Variants in ZEB1 observed in about 807,000 individuals in gnomAD.
ZEB1 encodes the protein zinc finger E-box binding homeobox 1, also known as zinc finger E-box-binding homeobox 1.
ZEB1 carries 21 observed loss-of-function variants against 84.9 expected under a neutral mutation model. The observed-to-expected ratio is 0.25, with a 90% confidence interval of 0.18 to 0.36. ZEB1 has a LOEUF of 0.36. Ranked by LOEUF, ZEB1 falls within the 10% of genes least tolerant of loss-of-function variation. ZEB1 has a pLI of 1.00. For synonymous variants in ZEB1, 420 were observed against 471.1 expected, an observed-to-expected ratio of 0.89 and a Z score of 1.41; for missense variants, 1,104 against 1,330.2, an observed-to-expected ratio of 0.83 and a Z score of 2.65.
intron 3 of ZEB1, among the ~76,000 whole-genome samples, chr10:31,500,690 CT>C (rs965011419): frequency 5.3e-5 from 8 of 152,052 alleles, no homozygotes; most frequent in African/African-American, 1.7e-4. Context: ...CGCCTTTTCT[CT>C]TTTTTTCTTT....
chr10:31,509,596 C>G (rs1052526533), intron 4 of ZEB1, among the ~76,000 whole-genome samples: 3 of 152,164 alleles, frequency 2.0e-5, no homozygotes, highest in Non-Finnish European at 4.4e-5. Flanking sequence ...ATTTAACATT[C>G]AGGTGCTCAG....
At chr10:31,343,764 C>CA (rs1284983567) in intron 1 of ZEB1, among the ~76,000 whole-genome samples, 1 of 152,134 alleles carries the variant, frequency 6.6e-6, no homozygotes. Context: ...TCTTAGTAGG[C>CA]AGCAGATGAA....
intron 1 of ZEB1, among the ~76,000 whole-genome samples, chr10:31,417,964 C>T (rs1207796148): frequency 6.6e-6 from 1 of 151,948 alleles, no homozygotes; most frequent in Non-Finnish European, 1.5e-5. Flanking sequence ...CAGGTAAATA[C>T]AAGAGTATAG....
At chr10:31,495,207 G>A (rs2067055473) in intron 2 of ZEB1, among the ~76,000 whole-genome samples, 1 of 151,922 alleles carries the variant, frequency 6.6e-6, no homozygotes, top group Non-Finnish European at 1.5e-5. Flanking sequence ...TATAAAATAT[G>A]TTGTTACAAA....
In ZEB1 at chr10:31,436,260, C is replaced by A. The variant is rs535132350; in HGVS notation, c.59-24777C>A. Among the ~76,000 whole-genome samples, 10 of 152,274 alleles carry A rather than the reference C, an allele frequency of 6.6e-5. No homozygotes were observed. In the East Asian group the frequency reaches 1.9e-3, roughly 29 times the overall value. ...GATTATTATGTATGTCCTTCATTTTCATTCTGAAGTAAAGGAGAATAATAA... is the reference window on the plus strand; with the variant it reads ...GATTATTATGTATGTCCTTCATTTTAATTCTGAAGTAAAGGAGAATAATAA... On this transcript the variant is annotated intron_variant, in intron 1 of 8. Coordinates refer to ENST00000424869, the MANE Select transcript of ZEB1 (RefSeq NM_001174096.2).
intron 1 of ZEB1, among the ~76,000 whole-genome samples, chr10:31,351,089 C>G (rs1296205401): frequency 6.6e-6 from 1 of 152,146 alleles, no homozygotes; most frequent in Non-Finnish European, 1.5e-5. Flanking sequence ...TGTGAATATG[C>G]AGGGACTTGG....
intron 1 of ZEB1, among the ~76,000 whole-genome samples, chr10:31,370,226 G>C (rs1391068788): frequency 6.6e-6 from 1 of 152,188 alleles, no homozygotes; most frequent in East Asian, 1.9e-4. Context: ...ACCTGAAGCA[G>C]TCAAGATAAG....
At chr10:31,501,055 G>A (rs183383004) in intron 3 of ZEB1, among the ~76,000 whole-genome samples, 1 of 152,220 alleles carries the variant, frequency 6.6e-6, no homozygotes, top group Non-Finnish European at 1.5e-5. Context: ...CAGTGCAGGA[G>A]ATGTAGCAAG....
intron 2 of ZEB1, among the ~76,000 whole-genome samples, chr10:31,491,405 G>C (rs1172705066): frequency 6.6e-6 from 1 of 151,852 alleles, no homozygotes; most frequent in African/African-American, 2.4e-5. Context: ...TAGGATGCAA[G>C]AGAATGAAGG....
intron 1 of ZEB1, among the ~76,000 whole-genome samples, chr10:31,382,370 G>A (rs2047846400): frequency 6.6e-6 from 1 of 152,002 alleles, no homozygotes; most frequent in Non-Finnish European, 1.5e-5. Context: ...TTTCTTAAGA[G>A]GAATACTGAA....
intron 1 of ZEB1, among the ~76,000 whole-genome samples, chr10:31,403,068 C>G (rs902073549): frequency 1.3e-5 from 2 of 151,914 alleles, no homozygotes; most frequent in African/African-American, 4.8e-5. Flanking sequence ...AGAGGCTTAC[C>G]ATAGAAAAGG....
intron 1 of ZEB1, among the ~76,000 whole-genome samples, chr10:31,391,749 C>G (rs7350466): frequency 6.6e-6 from 1 of 152,120 alleles, no homozygotes; most frequent in African/African-American, 2.4e-5. Context: ...TACAAAAGAC[C>G]TGAAATATAA....
chr10:31,415,665 C>T (rs1280761897), intron 1 of ZEB1, among the ~76,000 whole-genome samples: 3 of 151,878 alleles, frequency 2.0e-5, no homozygotes, highest in East Asian at 1.9e-4. Flanking sequence ...AAATACAGTT[C>T]GAAAGGATTG....
chr10:31,469,235 C>T (rs972486666), intron 2 of ZEB1, among the ~76,000 whole-genome samples: 4 of 152,296 alleles, frequency 2.6e-5, no homozygotes, highest in South Asian at 2.1e-4. Context: ...GGAACAGCTC[C>T]GGTCTACAGC....
chr10:31,393,163 A>G (rs1347371854), intron 1 of ZEB1, among the ~76,000 whole-genome samples: 4 of 152,184 alleles, frequency 2.6e-5, no homozygotes, highest in Admixed American at 2.6e-4. Flanking sequence ...TTTTATTTAA[A>G]TTAAATTGTG....
rs189348978 is a variant in ZEB1, at chr10:31,361,647, T to C, written c.58+42355T>C. ...CCTCCCTTACAAATGGTGAGGGGGC[T>C]GGGCAGAGGTGCTCCTCACTTTCCA... On this transcript the variant is annotated intron_variant, in intron 1 of 8. Coordinates refer to ENST00000424869, the MANE Select transcript of ZEB1 (RefSeq NM_001174096.2). 5.7e-3 allele frequency among the ~76,000 whole-genome samples: 833 copies of C among 146,214 alleles called. 13 individuals carry two copies. The highest frequency in any genetic ancestry group is 0.02 in the African/African-American group (798 of 39,236).
At chr10:31,471,929 A>G (rs2063321918) in intron 2 of ZEB1, among the ~76,000 whole-genome samples, 3 of 141,362 alleles carry the variant, frequency 2.1e-5, no homozygotes, top group Non-Finnish European at 4.4e-5. Context: ...ACTCAACTAC[A>G]TGGAAACTGA....
At chr10:31,446,349 C>T (rs964945589) in intron 1 of ZEB1, among the ~76,000 whole-genome samples, 20 of 152,086 alleles carry the variant, frequency 1.3e-4, no homozygotes, top group African/African-American at 4.6e-4. Flanking sequence ...TTTGTTGATC[C>T]TTTCAAAAAA....
intron 1 of ZEB1, among the ~76,000 whole-genome samples, chr10:31,365,189 T>C (rs2044220268): frequency 6.6e-6 from 1 of 152,224 alleles, no homozygotes; most frequent in African/African-American, 2.4e-5. Context: ...AGAAAGCAAA[T>C]AGATTATTTA....
Sources: gnomAD v4.1 joint callset for allele counts (sites outside exome capture counted in the v4.1 genomes callset) on GRCh38, gnomAD v4.1.1 for gene constraint, MANE v1.5 for transcripts, NCBI Gene and HGNC (gene_info 2026-07-23, HGNC 2026-07-21) for gene names.